MACROD2: variants seen among roughly 807,000 people sequenced by gnomAD.
MACROD2 encodes the protein ADP-ribose glycohydrolase MACROD2.
MACROD2 carries 36 observed loss-of-function variants against 70.4 expected under a neutral mutation model. That is an observed-to-expected ratio of 0.51 (90% CI 0.39 to 0.68). The LOEUF is 0.68. Ranked by LOEUF, MACROD2 falls within the 30% of genes least tolerant of loss-of-function variation. MACROD2 has a pLI of 0.00. For synonymous variants in MACROD2, 172 were observed against 178.8 expected (o/e 0.96, Z 0.30); for missense variants, 496 against 538.4 (o/e 0.92, Z 0.78).
At chr20:14,822,904 A>G (rs1379884679) in intron 5 of MACROD2, among the ~76,000 whole-genome samples, 2 of 152,116 alleles carry the variant, frequency 1.3e-5, no homozygotes, top group Non-Finnish European at 2.9e-5. Flanking sequence ...TCTAAAAAAA[A>G]GTGCTGTCAT....
chr20:15,062,525 AC>A (rs1325232585), intron 5 of MACROD2, among the ~76,000 whole-genome samples: 1 of 151,826 alleles, frequency 6.6e-6, no homozygotes. Context: ...TTATCATGAT[AC>A]CTGTAAAAAA....
At chr20:15,903,461 C>T (rs2065096387) in intron 10 of MACROD2, among the ~76,000 whole-genome samples, 1 of 152,120 alleles carries the variant, frequency 6.6e-6, no homozygotes, top group Admixed American at 6.5e-5. Context: ...GGAGAGGTCA[C>T]TGGAGGCCTA....
At chr20:15,605,246 T>C (rs1018815292) in intron 8 of MACROD2, among the ~76,000 whole-genome samples, 4 of 152,180 alleles carry the variant, frequency 2.6e-5, no homozygotes, top group Admixed American at 6.5e-5. Context: ...AAATTGTGCC[T>C]GGATGGAAAA....
At chr20:15,832,264 C>A (rs192584600) in intron 8 of MACROD2, among the ~76,000 whole-genome samples, 2 of 152,212 alleles carry the variant, frequency 1.3e-5, no homozygotes, top group Admixed American at 1.3e-4. Flanking sequence ...AGGGAGACAA[C>A]CTGTGGGGTG....
intron 8 of MACROD2, among the ~76,000 whole-genome samples, chr20:15,624,452 C>T (rs1054526486): frequency 6.6e-6 from 1 of 152,202 alleles, no homozygotes; most frequent in Non-Finnish European, 1.5e-5. Flanking sequence ...AATCCCTGGA[C>T]TTCAAGAGAA....
intron 5 of MACROD2, among the ~76,000 whole-genome samples, chr20:14,889,363 T>G (rs1163158020): frequency 6.6e-6 from 1 of 151,984 alleles, no homozygotes; most frequent in Non-Finnish European, 1.5e-5. Flanking sequence ...ATCATAAATA[T>G]TTACATAATT....
intron 3 of MACROD2, among the ~76,000 whole-genome samples, chr20:14,291,971 G>T (rs2082389764): frequency 6.6e-6 from 1 of 151,858 alleles, no homozygotes; most frequent in Admixed American, 6.6e-5. Flanking sequence ...AATAGCACAG[G>T]GAGGAAAGCT....
intron 6 of MACROD2, among the ~76,000 whole-genome samples, chr20:15,350,556 G>A (rs1369818414): frequency 6.6e-6 from 1 of 152,150 alleles, no homozygotes; most frequent in East Asian, 1.9e-4. Flanking sequence ...AGTTCTTGAT[G>A]TCATATGGGA....
At chr20:14,045,690 C>T (rs541425854) in intron 2 of MACROD2, among the ~76,000 whole-genome samples, 1 of 152,028 alleles carries the variant, frequency 6.6e-6, no homozygotes, top group South Asian at 2.1e-4. Flanking sequence ...AGAATTAGAC[C>T]CCTGTGAATG....
chr20:14,061,283 A>G (rs2053687688), intron 2 of MACROD2, among the ~76,000 whole-genome samples: 1 of 152,188 alleles, frequency 6.6e-6, no homozygotes, highest in Non-Finnish European at 1.5e-5. Context: ...CTTGAGTTGA[A>G]TGAATTTGTT....
At chr20:14,451,122 C>T (rs891716227) in intron 3 of MACROD2, among the ~76,000 whole-genome samples, 3 of 152,050 alleles carry the variant, frequency 2.0e-5, no homozygotes, top group African/African-American at 7.2e-5. Context: ...TGAAGTGAGA[C>T]AGAGGAGGAA....
chr20:14,529,551 A>G (rs1600346409), intron 4 of MACROD2, among the ~76,000 whole-genome samples: 1 of 152,032 alleles, frequency 6.6e-6, no homozygotes. Context: ...CTCCAATAAA[A>G]CTTTCTGTTC....
intron 8 of MACROD2, among the ~76,000 whole-genome samples, chr20:15,819,584 G>T (rs1442868243): frequency 6.7e-6 from 1 of 150,230 alleles, no homozygotes; most frequent in Non-Finnish European, 1.5e-5. Flanking sequence ...ATATTATTTA[G>T]CCTTAAAATG....
intron 3 of MACROD2, among the ~76,000 whole-genome samples, chr20:14,469,054 A>T (rs781596363): frequency 6.6e-6 from 1 of 152,062 alleles, no homozygotes; most frequent in Non-Finnish European, 1.5e-5. Context: ...ATGTTTTTGC[A>T]GTGGCTGGTA....
chr20:15,289,173 G>A (rs2077519591), intron 6 of MACROD2, among the ~76,000 whole-genome samples: 1 of 152,172 alleles, frequency 6.6e-6, no homozygotes, highest in Non-Finnish European at 1.5e-5. Context: ...GTTATCTGAA[G>A]AAGGAAATGT....
intron 8 of MACROD2, among the ~76,000 whole-genome samples, chr20:15,784,502 C>T (rs2051887592): frequency 6.6e-6 from 1 of 152,116 alleles, no homozygotes; most frequent in South Asian, 2.1e-4. Flanking sequence ...GAAAACATTA[C>T]TCATTTTTGT....
At chr20:15,013,945 T>C (rs1187508625) in intron 5 of MACROD2, among the ~76,000 whole-genome samples, 2 of 152,234 alleles carry the variant, frequency 1.3e-5, no homozygotes, top group Non-Finnish European at 2.9e-5. Context: ...TTCTCCTGCC[T>C]GTAGCTCAGG....
chr20:15,937,559 A>T lies in MACROD2; in HGVS notation c.907+15A>T, dbSNP rs1278677690. 4 of 1,608,706 alleles carry T rather than the reference A, an allele frequency of 2.5e-6. No individual in the cohort carries two copies. The African/African-American group carries it at 4.0e-5, about 16-fold the overall frequency. ...TAAAGATGAAGGTATGAGGCTACTA[A>T]CTATATCTAATAATTGCAGACTCTT... is the stretch of plus-strand genomic sequence containing the variant. On this transcript the variant is annotated intron_variant, in intron 12 of 17. Coordinates refer to ENST00000684519, the MANE Select transcript of MACROD2 (RefSeq NM_001351661.2).
intron 6 of MACROD2, among the ~76,000 whole-genome samples, chr20:15,291,436 G>A (rs975866368): frequency 2.6e-5 from 4 of 152,166 alleles, no homozygotes; most frequent in Admixed American, 2.6e-4. Flanking sequence ...TCCATTGACA[G>A]AATGGTGGCT....
Sources: allele counts gnomAD v4.1 joint callset (sites outside exome capture counted in the v4.1 genomes callset), GRCh38; gene constraint gnomAD v4.1.1; transcripts MANE v1.5; gene names NCBI Gene and HGNC (gene_info 2026-07-23, HGNC 2026-07-21).